ALK: variants seen among roughly 807,000 people sequenced by gnomAD.
The protein encoded by ALK is ALK tyrosine kinase receptor.
ALK carries 74 observed loss-of-function variants against 163.1 expected under a neutral mutation model. That is an observed-to-expected ratio of 0.45 (90% CI 0.38 to 0.55). The LOEUF (loss-of-function observed/expected upper bound fraction) is 0.55. ALK is among the 20% of genes least tolerant of loss of function. ALK has a pLI of 0.00. For synonymous variants in ALK, 960 were observed against 843.2 expected (o/e 1.14, Z -2.40); for missense variants, 2,063 against 2,105.3 (o/e 0.98, Z 0.39).
rs546095381 is a variant in ALK at position 29,410,263 on chromosome 2, T to C, written c.1155-26404A>G. On this transcript the variant is annotated intron_variant, in intron 4 of 28. Coordinates refer to ENST00000389048, the MANE Select transcript of ALK (RefSeq NM_004304.5). The stretch of plus-strand genomic sequence containing the variant: ...AAAGTCACTCCTCTGCTCACTGAGA[T>C]AGATGCATATGTGATTTGCCTCCTT... Among the ~76,000 whole-genome samples, 3 of 152,278 alleles carry C rather than the reference T, an allele frequency of 2.0e-5. No homozygotes were observed. In the South Asian group the frequency reaches 6.2e-4, roughly 32 times the overall value.
At chr2:29,300,797 C>T (rs1666347251) in intron 8 of ALK, among the ~76,000 whole-genome samples, 1 of 152,144 alleles carries the variant, frequency 6.6e-6, no homozygotes, top group Non-Finnish European at 1.5e-5. Flanking sequence ...ACAACCCCAA[C>T]AAGTCAGAAG....
In ALK at chr2:29,228,900, T is replaced by G; in HGVS notation, c.2799A>C (p.Gly933=). The G allele has an allele frequency of 6.3e-7, 1 of 1,589,368 alleles. No individual in the cohort carries two copies. ...GGGGGCSSGG[G]GGGYIGGNAA... ...CATCTTTACCTATATATCCTCCGCCTCCTCCACCTGAGGAGCACCCCCCTC... is the reference window on the plus strand; with the variant it reads ...CATCTTTACCTATATATCCTCCGCCGCCTCCACCTGAGGAGCACCCCCCTC... The change falls in exon 16 of 29, where the codon GGA becomes GGC. Residue 933 remains glycine, a synonymous_variant. Coordinates refer to ENST00000389048, the MANE Select transcript of ALK (RefSeq NM_004304.5).
intron 3 of ALK, among the ~76,000 whole-genome samples, chr2:29,539,197 C>T (rs1673344705): frequency 1.3e-5 from 2 of 152,188 alleles, no homozygotes; most frequent in Admixed American, 1.3e-4. Context: ...ATATTTCTCA[C>T]TGCAGTGAAT....
intron 3 of ALK, among the ~76,000 whole-genome samples, chr2:29,584,517 T>C (rs539637912): frequency 6.6e-6 from 1 of 152,290 alleles, no homozygotes; most frequent in Admixed American, 6.5e-5. Flanking sequence ...ATGGAAACAC[T>C]TGCTTGAATA....
chr2:29,227,094 G>A lies in ALK; in HGVS notation c.2915-20C>T, dbSNP rs757277369. Reference sequence around the variant, plus strand: ...CCATCACTAGTGACAAGGAGGGAGGGTCAGTCTTGGGCCGAGCCTGCCTCC... The same window carrying A: ...CCATCACTAGTGACAAGGAGGGAGGATCAGTCTTGGGCCGAGCCTGCCTCC... On this transcript the variant is annotated intron_variant, in intron 17 of 28. Coordinates refer to ENST00000389048, the MANE Select transcript of ALK (RefSeq NM_004304.5). This position sits in a 1 kb window ranked among gnomAD's most constrained non-coding sequence, Gnocchi z 4.4. The A allele has an allele frequency of 6.2e-7, 1 of 1,613,996 alleles. No individual in the cohort carries two copies. The highest frequency in any genetic ancestry group is 8.5e-7 in the Non-Finnish European group (1 of 1,180,000).
chr2:29,756,321 A>G (rs1200412050), intron 1 of ALK, among the ~76,000 whole-genome samples: 1 of 152,166 alleles, frequency 6.6e-6, no homozygotes, highest in Non-Finnish European at 1.5e-5. Flanking sequence ...TTCAGATTTT[A>G]TACTTTGTCA....
At chr2:29,884,342 A>T (rs1051478121) in intron 1 of ALK, among the ~76,000 whole-genome samples, 2 of 152,212 alleles carry the variant, frequency 1.3e-5, no homozygotes, top group African/African-American at 4.8e-5. Context: ...AACTGCTCCC[A>T]AGAAGCAGAG....
intron 3 of ALK, among the ~76,000 whole-genome samples, chr2:29,691,291 C>T (rs1192198417): frequency 6.6e-6 from 1 of 152,182 alleles, no homozygotes; most frequent in East Asian, 1.9e-4. Context: ...TGTGTGAGTA[C>T]AGACCACTCC....
intron 4 of ALK, among the ~76,000 whole-genome samples, chr2:29,470,557 C>T (rs1014269068): frequency 2.0e-5 from 3 of 152,052 alleles, no homozygotes; most frequent in Non-Finnish European, 4.4e-5. Flanking sequence ...GCAAGGAAGG[C>T]CGAAAGAGAA....
intron 5 of ALK, among the ~76,000 whole-genome samples, chr2:29,350,106 C>A (rs1220875351): frequency 1.3e-5 from 2 of 152,220 alleles, no homozygotes; most frequent in African/African-American, 4.8e-5. Context: ...CTTTCCAAGT[C>A]TTACTTTATG....
chr2:29,874,890 G>A lies in ALK; in HGVS notation c.667+45103C>T, dbSNP rs1666665336. Among the ~76,000 whole-genome samples, 3 of 152,078 alleles carry A rather than the reference G, an allele frequency of 2.0e-5. No individual in the cohort carries two copies. In the South Asian group the frequency reaches 6.2e-4, roughly 32 times the overall value. On this transcript the variant is annotated intron_variant, in intron 1 of 28. Coordinates refer to ENST00000389048, the MANE Select transcript of ALK (RefSeq NM_004304.5). The stretch of plus-strand genomic sequence containing the variant: ...TGAACTTCCTTATCAGTCCCTACCT[G>A]TACTCAGCTCTTCTGGCCTGACTGC...
At chr2:29,365,515 G>A (rs1421035734) in intron 5 of ALK, among the ~76,000 whole-genome samples, 1 of 152,192 alleles carries the variant, frequency 6.6e-6, no homozygotes, top group Admixed American at 6.5e-5. Flanking sequence ...TTCTACAGAT[G>A]ATGGGGACCT....
At chr2:29,340,466 A>T (rs1185756580) in intron 5 of ALK, among the ~76,000 whole-genome samples, 3 of 152,122 alleles carry the variant, frequency 2.0e-5, no homozygotes, top group Non-Finnish European at 2.9e-5. Context: ...AGCCCTCTTA[A>T]AGCTACGCAG....
At chr2:29,286,352 T>C (rs1201191862) in intron 9 of ALK, 1 of 152,202 alleles carries the variant, frequency 6.6e-6, no homozygotes, top group Non-Finnish European at 1.5e-5. Flanking sequence ...CACTTCTTGA[T>C]TCCCTGTCTT....
At chr2:29,871,070 C>G (rs777738586) in intron 1 of ALK, among the ~76,000 whole-genome samples, 1 of 152,114 alleles carries the variant, frequency 6.6e-6, no homozygotes, top group Non-Finnish European at 1.5e-5. Flanking sequence ...CCTGTGGGGA[C>G]AGAAATGTCT....
Position 29,383,934 on chromosome 2 carries a change from G to T in ALK, c.1155-75C>A. The T allele has an allele frequency of 2.5e-6, 4 of 1,584,872 alleles. No homozygotes were observed. The East Asian group carries it at 6.7e-5, about 27-fold the overall frequency. On this transcript the variant is annotated intron_variant, in intron 4 of 28. Transcript: ENST00000389048. The stretch of plus-strand genomic sequence containing the variant: ...GAATTAGGCCTAACATGTGGACAGG[G>T]TCATGTCCTTGCAGGGACTTCAGGA...
rs1294466577 is a variant in ALK, at chr2:29,739,109, C to T, written c.668-21412G>A. ...TTTAAAATAGCCAGGCATAGTGGCACCCATCTGTAGTTCTAGCTTCTCAGG... is the reference window on the plus strand; with the variant it reads ...TTTAAAATAGCCAGGCATAGTGGCATCCATCTGTAGTTCTAGCTTCTCAGG... On this transcript the variant is annotated intron_variant, in intron 1 of 28. Coordinates refer to ENST00000389048, the MANE Select transcript of ALK (RefSeq NM_004304.5). Among the ~76,000 whole-genome samples, 3 of 151,522 alleles carry T rather than the reference C, an allele frequency of 2.0e-5. No individual in the cohort carries two copies. In the East Asian group the frequency reaches 5.8e-4, roughly 29 times the overall value.
chr2:29,239,146 C>A (rs567466580), intron 13 of ALK, among the ~76,000 whole-genome samples: 1 of 152,280 alleles, frequency 6.6e-6, no homozygotes, highest in African/African-American at 2.4e-5. Context: ...TCACCTTAAC[C>A]CCGAAGGAGC....
At chr2:29,419,508 TTAC>T (rs1453599450) in intron 4 of ALK, among the ~76,000 whole-genome samples, 1 of 151,186 alleles carries the variant, frequency 6.6e-6, no homozygotes, top group African/African-American at 2.5e-5. Context: ...TATAGAAAGG[TTAC>T]AGAATTGGGG....
Sources: allele counts gnomAD v4.1 joint callset (sites outside exome capture counted in the v4.1 genomes callset), GRCh38; gene constraint gnomAD v4.1.1; non-coding constraint Gnocchi (gnomAD v3.1); transcripts MANE v1.5; gene names NCBI Gene and HGNC (gene_info 2026-07-23, HGNC 2026-07-21).